Variants in STAT4 observed in about 807,000 individuals in gnomAD.
The protein encoded by STAT4 is signal transducer and activator of transcription 4.
A neutral mutation model predicts 110.5 loss-of-function variants in STAT4; 42 were observed. The ratio of observed to expected loss-of-function variants is 0.38; its 90% CI spans 0.30 to 0.49. The LOEUF (loss-of-function observed/expected upper bound fraction) is 0.49, where lower values mean the gene tolerates loss of function less well. Among genes scored for constraint, STAT4 ranks in the 20% least tolerant of loss-of-function variants. STAT4 has a pLI of 0.95. For synonymous variants in STAT4, 284 were observed against 302.2 expected, an observed-to-expected ratio of 0.94 and a Z score of 0.63; for missense variants, 632 against 887.9, an observed-to-expected ratio of 0.71 and a Z score of 3.66.
chr2:191,058,087 T>A lies in STAT4; in HGVS notation c.1137A>T (p.Gly379=), dbSNP rs777158012. ...TLSNRRFVLC[G]TNVKAMSIEE... is the part of the protein sequence containing the mutation. Reference sequence around the variant, plus strand: ...CAATAGACATGGCTTTGACATTAGTTCCACAAAGTACAAATCTTCGGTTGC... The same window carrying A: ...CAATAGACATGGCTTTGACATTAGTACCACAAAGTACAAATCTTCGGTTGC... The change falls in exon 13 of 24, where the codon GGA becomes GGT. Residue 379 remains glycine (G), a synonymous_variant. Coordinates refer to ENST00000392320, the MANE Select transcript of STAT4 (RefSeq NM_003151.4). The surrounding 1 kb of genome is among the most constrained non-coding windows in gnomAD (Gnocchi z 4.3). 6.2e-7 allele frequency: 1 copy of A among 1,614,046 alleles called. No individual in the cohort carries two copies. The highest frequency in any genetic ancestry group is 8.5e-7 in the Non-Finnish European group (1 of 1,179,966).
chr2:191,098,810 G>A (rs1468201013), intron 3 of STAT4, among the ~76,000 whole-genome samples: 4 of 151,984 alleles, frequency 2.6e-5, no homozygotes, highest in Non-Finnish European at 4.4e-5. Context: ...TCTAAGGATC[G>A]AGGAGATCTT....
In STAT4 at chr2:191,036,306, TAG is replaced by T. The variant is rs748260718; in HGVS notation, c.1435-9_1435-8del. The T allele has an allele frequency of 1.1e-4, 173 of 1,613,876 alleles. 5 individuals carry two copies. In the South Asian group the frequency reaches 1.8e-3, roughly 16 times the overall value. ...TATTAAAGAAAACCAAGTTCTGAAA[TAG>T]AGTCAAGATGATAATTTGTTAATTA... On this transcript the variant is annotated splice_region_variant and splice_polypyrimidine_tract_variant and intron_variant, in intron 16 of 23. Coordinates refer to ENST00000392320, the MANE Select transcript of STAT4 (RefSeq NM_003151.4).
At position 191,117,753 on chromosome 2, in the gene STAT4, C is replaced by T. The variant is rs75356866; in HGVS notation, c.273+28860G>A. On this transcript the variant is annotated intron_variant, in intron 3 of 23. Coordinates refer to ENST00000392320, the MANE Select transcript of STAT4 (RefSeq NM_003151.4). This position sits in a 1 kb window ranked among gnomAD's most constrained non-coding sequence, Gnocchi z 5.2. ...AATCCACCATTGCTTATTTTTCTTC[C>T]GATGCCTGGATGCATCCCTCCTTTG... Among the ~76,000 whole-genome samples, 1,709 of 152,246 alleles carry T rather than the reference C, an allele frequency of 0.011. 14 individuals carry two copies. The highest frequency in any genetic ancestry group is 0.019 in the Non-Finnish European group (1,316 of 68,016).
intron 5 of STAT4, among the ~76,000 whole-genome samples, chr2:191,070,968 A>C (rs1697129852): frequency 6.6e-6 from 1 of 152,214 alleles, no homozygotes; most frequent in African/African-American, 2.4e-5. Flanking sequence ...CTTCATAAGT[A>C]GTAGCTATTA....
intron 6 of STAT4, among the ~76,000 whole-genome samples, chr2:191,067,755 T>A (rs1182009132): frequency 2.6e-5 from 4 of 152,188 alleles, no homozygotes; most frequent in African/African-American, 4.8e-5. Flanking sequence ...TTAGTCCATA[T>A]TCAATCAACC....
chr2:191,141,655 G>C (rs1699339840), intron 3 of STAT4, among the ~76,000 whole-genome samples: 1 of 150,162 alleles, frequency 6.7e-6, no homozygotes, highest in Non-Finnish European at 1.5e-5. Context: ...TTTTGAGACA[G>C]AGTCTTGCTG....
chr2:191,039,401 C>T lies in STAT4; in HGVS notation c.1336-104G>A, dbSNP rs1472934128. The T allele has an allele frequency of 1.1e-6, 1 of 904,632 alleles. No homozygotes were observed. The highest frequency in any genetic ancestry group is 1.8e-6 in the Non-Finnish European group (1 of 551,206). 56.0% of individuals were successfully genotyped at this position (904,632 alleles called of 1,614,324 possible). A position where few individuals can be genotyped will look rare whatever the true frequency, so the allele number is the denominator to read the frequency against. On this transcript the variant is annotated intron_variant, in intron 15 of 23. Transcript: ENST00000392320. The surrounding 1 kb of genome is among the most constrained non-coding windows in gnomAD (Gnocchi z 4.7). ...AAGGGCCAATCTCAAGCCAGCCCCA[C>T]ACCTCCAGTCCTGATGTCCATGGTG...
chr2:191,049,285 T>C (rs370647050), intron 14 of STAT4, among the ~76,000 whole-genome samples: 11 of 151,234 alleles, frequency 7.3e-5, no homozygotes, highest in Admixed American at 7.3e-4. Flanking sequence ...TGCCATTCTC[T>C]TGCCTCAGCC....
At chr2:191,055,506 A>C (rs1188621044) in intron 13 of STAT4, among the ~76,000 whole-genome samples, 8 of 149,694 alleles carry the variant, frequency 5.3e-5, no homozygotes, top group Non-Finnish European at 1.0e-4. Context: ...GGCGTGAGCC[A>C]CTGCGCCAGG....
At position 191,030,797 on chromosome 2, in the gene STAT4, T is replaced by C; in HGVS notation, c.2220+175A>G. ...TGAAGGTGTCTGCTTTCAATACGCA[T>C]AATATCAGCAACACGCAGGACCATC... On this transcript the variant is annotated intron_variant, in intron 23 of 23. Coordinates refer to ENST00000392320, the MANE Select transcript of STAT4 (RefSeq NM_003151.4). The surrounding 1 kb of genome is among the most constrained non-coding windows in gnomAD (Gnocchi z 4.4). The C allele has an allele frequency of 1.0e-5, 6 of 575,762 alleles. No homozygotes were observed. The highest frequency in any genetic ancestry group is 1.9e-5 in the Non-Finnish European group (6 of 324,284). The allele number at this position is 575,762 out of a possible 1,614,324, so 35.7% of individuals were successfully genotyped here. A position where few individuals can be genotyped will look rare whatever the true frequency, so the allele number is the denominator to read the frequency against.
At chr2:191,071,213 C>A (rs1338467622) in intron 5 of STAT4, among the ~76,000 whole-genome samples, 4 of 152,030 alleles carry the variant, frequency 2.6e-5, no homozygotes, top group Non-Finnish European at 5.9e-5. Flanking sequence ...AAACTGAGGC[C>A]CAAAGTCATA....
At chr2:191,098,175 C>T (rs1308318169) in intron 3 of STAT4, among the ~76,000 whole-genome samples, 1 of 152,182 alleles carries the variant, frequency 6.6e-6, no homozygotes, top group East Asian at 1.9e-4. Flanking sequence ...GGAGTGTAAA[C>T]TAGTTCAACC....
In STAT4 at chr2:191,091,490, T is replaced by G. The variant is rs532802055; in HGVS notation, c.274-15165A>C. Reference sequence around the variant, plus strand: ...GAGAGACTTGTTATTATAAAAATATTAATTGTCTCAAAATGAGTATGTGTG... The same window carrying G: ...GAGAGACTTGTTATTATAAAAATATGAATTGTCTCAAAATGAGTATGTGTG... On this transcript the variant is annotated intron_variant, in intron 3 of 23. Coordinates refer to ENST00000392320, the MANE Select transcript of STAT4 (RefSeq NM_003151.4). The surrounding 1 kb of genome is among the most constrained non-coding windows in gnomAD (Gnocchi z 5.4). Among the ~76,000 whole-genome samples the G allele has an allele frequency of 3.9e-5, 6 of 152,328 alleles. No individual in the cohort carries two copies. The South Asian group carries it at 1.2e-3, about 32-fold the overall frequency.
intron 6 of STAT4, 151 bp downstream of exon 6, chr2:191,069,542 T>G: frequency 1.6e-6 from 1 of 623,304 alleles, no homozygotes; most frequent in Non-Finnish European, 2.8e-6. Context: ...TATGCAGAGA[T>G]AAGGAAGAAG....
At position 191,070,258 on chromosome 2, in the gene STAT4, C is replaced by T. The variant is rs1192740983; in HGVS notation, c.466-487G>A. 3.3e-5 allele frequency among the ~76,000 whole-genome samples: 5 copies of T among 152,150 alleles called. 1 individual carries two copies. In the East Asian group the frequency reaches 5.8e-4, roughly 18 times the overall value. ...ATGCCTATGCTTCTTCTGTGTCTCC[C>T]GTTATTCTGTCTTTGAGATTTTTAC... is the stretch of plus-strand genomic sequence containing the variant. On this transcript the variant is annotated intron_variant, in intron 5 of 23. Coordinates refer to ENST00000392320, the MANE Select transcript of STAT4 (RefSeq NM_003151.4).
At chr2:191,036,446 T>G (rs1236233165) in intron 16 of STAT4, 147 bp from the exon 17 acceptor site, 1 of 864,122 alleles carries the variant, frequency 1.2e-6, no homozygotes, top group African/African-American at 1.7e-5. Context: ...GGCAGTTAAC[T>G]GTTTCTCTAA....
rs1699409244 is a variant in STAT4, at chr2:191,144,416, TGA to T, written c.273+2195_273+2196del. Among the ~76,000 whole-genome samples the T allele has an allele frequency of 6.6e-6, 1 of 152,150 alleles. No homozygotes were observed. The highest frequency in any genetic ancestry group is 1.5e-5 in the Non-Finnish European group (1 of 68,020). On this transcript the variant is annotated intron_variant, in intron 3 of 23. Transcript: ENST00000392320. This position sits in a 1 kb window ranked among gnomAD's most constrained non-coding sequence, Gnocchi z 4.7. ...GCCATAGGACCGTCATGGACAAGGC[TGA>T]GTCATTCAAGAGTGTGTGTGACGTG...
Position 191,031,080 on chromosome 2 carries a change from G to T in STAT4, c.2112C>A (p.Ile704=). 2 of 1,613,760 alleles carry T rather than the reference G, an allele frequency of 1.2e-6. No individual in the cohort carries two copies. Among genetic ancestry groups the T allele is most frequent in the East Asian group, 2.2e-5 (1 of 44,872 alleles). Residue 704 remains isoleucine, a splice_region_variant and synonymous_variant, in exon 23 of 24, where the codon ATC becomes ATA. Coordinates refer to ENST00000392320, the MANE Select transcript of STAT4 (RefSeq NM_003151.4). This position sits in a 1 kb window ranked among gnomAD's most constrained non-coding sequence, Gnocchi z 4.8. ...VPSVFIPIST[I]RSDSTEPHSP... ...AATGTGGCTCTGTTGAATCACTTCGGCTTAAAGAGATAACAAGGTCAATAT... is the reference window on the plus strand; with the variant it reads ...AATGTGGCTCTGTTGAATCACTTCGTCTTAAAGAGATAACAAGGTCAATAT...
At chr2:191,134,160 C>T (rs1699117437) in intron 3 of STAT4, among the ~76,000 whole-genome samples, 1 of 152,202 alleles carries the variant, frequency 6.6e-6, no homozygotes, top group Admixed American at 6.5e-5. Flanking sequence ...CCACAGCTGG[C>T]ACCCACCCAC....
Sources: allele counts gnomAD v4.1 joint callset (sites outside exome capture counted in the v4.1 genomes callset), GRCh38; gene constraint gnomAD v4.1.1; non-coding constraint Gnocchi (gnomAD v3.1); transcripts MANE v1.5; gene names NCBI Gene and HGNC (gene_info 2026-07-23, HGNC 2026-07-21).